The following MRPS28 variants were observed in gnomAD, a reference collection of about 807,000 sequenced individuals.
MRPS28 encodes the protein small ribosomal subunit protein bS1m.
In MRPS28, 7 loss-of-function variants were observed where a neutral mutation model predicts 10.8. That is an observed-to-expected ratio of 0.65 (90% CI 0.37 to 1.22). The LOEUF is 1.22. Ranked by LOEUF, MRPS28 falls within the 50% of genes most tolerant of loss-of-function variation. The pLI is 0.02. For synonymous variants in MRPS28, 121 were observed against 93.3 expected (o/e 1.30, Z -1.71); for missense variants, 265 against 232.9 (o/e 1.14, Z -0.90).
At chr8:79,963,612 A>C (rs1807426765) in intron 2 of MRPS28, among the ~76,000 whole-genome samples, 1 of 152,166 alleles carries the variant, frequency 6.6e-6, no homozygotes, top group Non-Finnish European at 1.5e-5. Flanking sequence ...TGGCCAGTAC[A>C]ATAGGCCTTG....
chr8:80,000,038 A>G (rs1248876325), intron 2 of MRPS28, among the ~76,000 whole-genome samples: 1 of 152,226 alleles, frequency 6.6e-6, no homozygotes, highest in Non-Finnish European at 1.5e-5. Context: ...CTTGTTTACT[A>G]TCTATGCCTC....
At chr8:79,997,778 G>A (rs1036707998) in intron 2 of MRPS28, among the ~76,000 whole-genome samples, 7 of 152,000 alleles carry the variant, frequency 4.6e-5, no homozygotes, top group African/African-American at 4.8e-5. Context: ...CAACTAGGCC[G>A]GGCATGGTGG....
intron 2 of MRPS28, among the ~76,000 whole-genome samples, chr8:79,937,389 G>T (rs1299083336): frequency 1.3e-5 from 2 of 152,172 alleles, no homozygotes; most frequent in Non-Finnish European, 2.9e-5. Flanking sequence ...AATAATTTGA[G>T]CGACTGGGGG....
chr8:79,980,127 G>T (rs1487045253), intron 2 of MRPS28, among the ~76,000 whole-genome samples: 1 of 152,094 alleles, frequency 6.6e-6, no homozygotes, highest in East Asian at 1.9e-4. Flanking sequence ...GTTCAATAAT[G>T]CCAGCTGTTG....
At chr8:79,980,347 A>T (rs1391379544) in intron 2 of MRPS28, among the ~76,000 whole-genome samples, 1 of 152,270 alleles carries the variant, frequency 6.6e-6, no homozygotes, top group Non-Finnish European at 1.5e-5. Context: ...TATTATGCTT[A>T]GAAAAGTGAC....
intron 2 of MRPS28, among the ~76,000 whole-genome samples, chr8:79,951,700 C>A (rs1221592273): frequency 6.6e-6 from 1 of 152,214 alleles, no homozygotes; most frequent in African/African-American, 2.4e-5. Context: ...GAAACTTCTA[C>A]AAGAATTTTC....
intron 2 of MRPS28, among the ~76,000 whole-genome samples, chr8:79,964,641 A>G (rs1807458247): frequency 6.6e-6 from 1 of 152,090 alleles, no homozygotes; most frequent in Admixed American, 6.6e-5. Flanking sequence ...CAAAAATGAA[A>G]TGCTCGCCCA....
At chr8:79,933,206 G>T (rs527733281) in intron 2 of MRPS28, among the ~76,000 whole-genome samples, 1 of 152,300 alleles carries the variant, frequency 6.6e-6, no homozygotes, top group African/African-American at 2.4e-5. Context: ...CAGTTATGGA[G>T]GCTGAAAGTC....
intron 2 of MRPS28, among the ~76,000 whole-genome samples, chr8:79,968,757 T>G (rs1167037478): frequency 6.6e-6 from 1 of 151,994 alleles, no homozygotes. Flanking sequence ...TCACCTACTC[T>G]GTGAAGCTTT....
At chr8:80,001,541 A>AT (rs1239760181) in intron 2 of MRPS28, among the ~76,000 whole-genome samples, 2 of 152,230 alleles carry the variant, frequency 1.3e-5, no homozygotes, top group Non-Finnish European at 2.9e-5. Context: ...ACTTTTCTAA[A>AT]TTTTTAGACA....
intron 1 of MRPS28, among the ~76,000 whole-genome samples, chr8:80,018,919 T>C (rs1301184990): frequency 6.6e-6 from 1 of 152,200 alleles, no homozygotes; most frequent in African/African-American, 2.4e-5. Context: ...TTACATGTTA[T>C]TATCTGTGGG....
intron 2 of MRPS28, among the ~76,000 whole-genome samples, chr8:79,973,946 C>T (rs1807710737): frequency 6.6e-6 from 1 of 151,852 alleles, no homozygotes; most frequent in Non-Finnish European, 1.5e-5. Context: ...AGATAAGGGT[C>T]TTGCTATGTT....
intron 2 of MRPS28, among the ~76,000 whole-genome samples, chr8:79,964,372 G>T (rs1460331994): frequency 6.6e-6 from 1 of 152,040 alleles, no homozygotes; most frequent in Non-Finnish European, 1.5e-5. Flanking sequence ...ACAATTCAGC[G>T]GAGACTATAA....
chr8:80,014,955 A>G (rs1274433360), intron 1 of MRPS28, among the ~76,000 whole-genome samples: 1 of 152,204 alleles, frequency 6.6e-6, no homozygotes, highest in South Asian at 2.1e-4. Flanking sequence ...ATGTGGAGAG[A>G]CAAGTGAATG....
At chr8:79,993,984 C>A (rs1808430159) in intron 2 of MRPS28, among the ~76,000 whole-genome samples, 1 of 152,164 alleles carries the variant, frequency 6.6e-6, no homozygotes, top group African/African-American at 2.4e-5. Flanking sequence ...TACCTTAGAG[C>A]TGCCAATCAT....
chr8:80,012,595 T>C (rs1350283588), intron 1 of MRPS28, among the ~76,000 whole-genome samples: 2 of 152,204 alleles, frequency 1.3e-5, no homozygotes, highest in Non-Finnish European at 2.9e-5. Flanking sequence ...TAAAGCTCAC[T>C]AACTGAGCTG....
rs915478225 is a variant in MRPS28, at chr8:80,003,076, A to G, written c.318T>C (p.His106=). 1.2e-6 allele frequency: 2 copies of G among 1,613,618 alleles called. No individual in the cohort carries two copies. Among genetic ancestry groups the G allele is most frequent in the Non-Finnish European group, 1.7e-6 (2 of 1,179,846 alleles). ...CTATGTACAGATCATTCTCCACAAT[A>G]TGAAAGATCCGTCCAATGACCAGTT... The part of the protein sequence containing the change: ...KDKLVIGRIF[H]IVENDLYIDF... Residue 106 remains histidine, a synonymous_variant, in exon 2 of 3, where the codon CAT becomes CAC. Transcript: ENST00000276585.
intron 2 of MRPS28, among the ~76,000 whole-genome samples, chr8:79,921,193 C>G (rs560879830): frequency 1.5e-4 from 23 of 152,150 alleles, no homozygotes; most frequent in African/African-American, 5.5e-4. Context: ...GTTACTGTAG[C>G]CTTGTAGTAC....
rs1252092155 is a variant in MRPS28 at position 79,919,142 on chromosome 8, G to A, written c.402C>T (p.Tyr134=). The A allele has an allele frequency of 1.1e-5, 18 of 1,574,232 alleles. No homozygotes were observed. The highest frequency in any genetic ancestry group is 1.5e-5 in the Non-Finnish European group (18 of 1,167,068). The stretch of plus-strand genomic sequence containing the variant: ...GCAACCGGACCCTGGTTCCTTTCTG[G>A]TATTTCCTAAATAGTTAAAAAAAAA... ...CRRPEVDGEK[Y]QKGTRVRLRL... Residue 134 remains tyrosine (Y), a synonymous_variant, in exon 3 of 3, where the codon TAC becomes TAT. Coordinates refer to ENST00000276585, the MANE Select transcript of MRPS28 (RefSeq NM_014018.3).
Sources: allele counts gnomAD v4.1 joint callset (sites outside exome capture counted in the v4.1 genomes callset), GRCh38; gene constraint gnomAD v4.1.1; transcripts MANE v1.5; gene names NCBI Gene and HGNC (gene_info 2026-07-23, HGNC 2026-07-21).